Variants in KIF14 observed in about 807,000 individuals in gnomAD.
The protein encoded by KIF14 is kinesin-like protein KIF14.
A neutral mutation model predicts 176.2 loss-of-function variants in KIF14; 98 were observed. That is an observed-to-expected ratio of 0.56 (90% CI 0.47 to 0.66). The LOEUF (loss-of-function observed/expected upper bound fraction) is 0.66, where lower values mean the gene tolerates loss of function less well. Ranked by LOEUF, KIF14 falls within the 30% of genes least tolerant of loss-of-function variation. The pLI is 0.00. For synonymous variants in KIF14, 566 were observed against 632.2 expected (o/e 0.90, Z 1.57); for missense variants, 1,751 against 1,920.4 (o/e 0.91, Z 1.65).
At chr1:200,610,770 G>A (rs1660118644) in intron 4 of KIF14, among the ~76,000 whole-genome samples, 1 of 152,122 alleles carries the variant, frequency 6.6e-6, no homozygotes, top group Non-Finnish European at 1.5e-5. Flanking sequence ...GAATCAAAAT[G>A]AGATGACTAT....
Position 200,603,322 on chromosome 1 carries a change from T to G in KIF14, c.1883A>C (p.Lys628Thr). ...DRLKEGVSIN[K>T]SLLTLGKVIS... ...AACTTTTCCCAAAGTTAGCAAGGAC[T>G]TATTAATACTCACACCTTCCTGCAT... Residue 628 changes from lysine to threonine, a missense_variant, in exon 10 of 30, where the codon AAG becomes ACG. Lys to Thr is a moderately conservative substitution (Grantham distance 78, BLOSUM62 -1). Coordinates refer to ENST00000367350, the MANE Select transcript of KIF14 (RefSeq NM_014875.3). 6.3e-7 allele frequency: 1 copy of G among 1,599,006 alleles called. No homozygotes were observed. Among genetic ancestry groups the G allele is most frequent in the Non-Finnish European group, 8.6e-7 (1 of 1,168,454 alleles).
At chr1:200,585,908 T>C (rs1015442563) in intron 19 of KIF14, among the ~76,000 whole-genome samples, 193 bp downstream of exon 19, 19 of 152,182 alleles carry the variant, frequency 1.2e-4, no homozygotes, top group African/African-American at 3.9e-4. Context: ...AAAGCATTGA[T>C]ATAATAAATA....
chr1:200,580,447 T>C, intron 20 of KIF14, 64 bp from the exon 21 acceptor site: 1 of 1,083,060 alleles, frequency 9.2e-7, no homozygotes, highest in Non-Finnish European at 1.2e-6. Context: ...ATACTAAGAG[T>C]TTTCTGGGGT....
chr1:200,567,562 T>A (rs1307242271), intron 23 of KIF14, among the ~76,000 whole-genome samples: 1 of 148,228 alleles, frequency 6.7e-6, no homozygotes, highest in Non-Finnish European at 1.5e-5. Flanking sequence ...TAAAACCAAC[T>A]GATTATCTAC....
At chr1:200,563,116 C>T (rs1000641707) in intron 25 of KIF14, among the ~76,000 whole-genome samples, 3 of 152,182 alleles carry the variant, frequency 2.0e-5, no homozygotes, top group Non-Finnish European at 4.4e-5. Context: ...TAAAAACAAT[C>T]ATCTGATTTC....
At position 200,617,718 on chromosome 1, in the gene KIF14, G is replaced by C; in HGVS notation, c.1006C>G (p.Pro336Ala). The change falls in exon 2 of 30, where the codon CCC (proline) becomes GCC (alanine). Residue 336 changes from proline to alanine, a missense_variant. Transcript: ENST00000367350. ...TTCTGAACTACAGTTTCTTCTTCGG[G>C]AAGAATTGTATTTTCTGCGGATCTT... ...QERSAENTILPEEETVVQNTS... is the reference protein window; with the variant it reads ...QERSAENTILAEEETVVQNTS... 6.2e-7 allele frequency: 1 copy of C among 1,614,164 alleles called. No individual in the cohort carries two copies. Among genetic ancestry groups the C allele is most frequent in the Non-Finnish European group, 8.5e-7 (1 of 1,180,018 alleles).
At chr1:200,581,958 G>A (rs1324681934) in intron 19 of KIF14, among the ~76,000 whole-genome samples, 1 of 151,552 alleles carries the variant, frequency 6.6e-6, no homozygotes, top group Non-Finnish European at 1.5e-5. Flanking sequence ...TTTGTAGAGA[G>A]GAGGTTTTGC....
intron 2 of KIF14, among the ~76,000 whole-genome samples, chr1:200,616,433 T>C (rs763295089): frequency 2.0e-5 from 3 of 152,230 alleles, no homozygotes; most frequent in Non-Finnish European, 2.9e-5. Flanking sequence ...CTATTGTTTC[T>C]CTTCCTATCA....
At chr1:200,573,107 C>T (rs150518802) in intron 22 of KIF14, among the ~76,000 whole-genome samples, 48 of 152,292 alleles carry the variant, frequency 3.2e-4, no homozygotes, top group African/African-American at 1.1e-3. Flanking sequence ...CTCTAATCCT[C>T]GTAACAACTC....
At chr1:200,599,555 T>C (rs1222412847) in intron 13 of KIF14, among the ~76,000 whole-genome samples, 1 of 152,244 alleles carries the variant, frequency 6.6e-6, no homozygotes, top group Non-Finnish European at 1.5e-5. Flanking sequence ...ACCAATCACT[T>C]GAAATACTTT....
chr1:200,595,814 G>A lies in KIF14; in HGVS notation c.2550-2045C>T, dbSNP rs1659304547. On this transcript the variant is annotated intron_variant, in intron 14 of 29. Coordinates refer to ENST00000367350, the MANE Select transcript of KIF14 (RefSeq NM_014875.3). ...ATACAAAAAACTAGCTGGGCATGGT[G>A]GCTGCTACTCAGGAGGCTGAGGCAC... 2.6e-5 allele frequency among the ~76,000 whole-genome samples: 4 copies of A among 151,028 alleles called. No individual in the cohort carries two copies. The South Asian group carries it at 8.4e-4, about 32-fold the overall frequency.
At chr1:200,612,009 TTTC>T (rs1660179789) in intron 4 of KIF14, among the ~76,000 whole-genome samples, 1 of 151,870 alleles carries the variant, frequency 6.6e-6, no homozygotes, top group Non-Finnish European at 1.5e-5. Context: ...TCTTTTTTTT[TTTC>T]TTTTTTTTGA....
At chr1:200,587,585 C>G (rs186127788) in intron 18 of KIF14, among the ~76,000 whole-genome samples, 3 of 151,924 alleles carry the variant, frequency 2.0e-5, no homozygotes. Flanking sequence ...GAGGCCAAGG[C>G]GGGAGAATCA....
At chr1:200,579,330 G>A (rs1201483143) in intron 21 of KIF14, among the ~76,000 whole-genome samples, 1 of 151,942 alleles carries the variant, frequency 6.6e-6, no homozygotes, top group Non-Finnish European at 1.5e-5. Context: ...AATAAGCCCA[G>A]GCATGGTGGC....
intron 5 of KIF14, 140 bp from the exon 6 acceptor site, chr1:200,606,938 C>T: frequency 2.7e-6 from 2 of 740,446 alleles, no homozygotes; most frequent in Non-Finnish European, 4.5e-6. Flanking sequence ...ACCACAAAAA[C>T]TCTCACAAAA....
Position 200,603,325 on chromosome 1 carries a change from T to C in KIF14, c.1880A>G (p.Asn627Ser), listed in dbSNP as rs779753425. ...GDRLKEGVSI[N>S]KSLLTLGKVI... ...TTTTCCCAAAGTTAGCAAGGACTTA[T>C]TAATACTCACACCTTCCTGCATGCA... is the stretch of plus-strand genomic sequence containing the variant. The change falls in exon 10 of 30, where the codon AAT becomes AGT. Residue 627 changes from asparagine (N) to serine (S), a missense_variant. Asn to Ser is a conservative substitution (Grantham distance 46). Transcript: ENST00000367350. The C allele has an allele frequency of 1.9e-6, 3 of 1,598,352 alleles. No individual in the cohort carries two copies. The highest frequency in any genetic ancestry group is 1.1e-5 in the South Asian group (1 of 89,770).
chr1:200,613,170 G>A (rs765460499), intron 4 of KIF14, among the ~76,000 whole-genome samples: 20 of 152,122 alleles, frequency 1.3e-4, no homozygotes, highest in Admixed American at 2.0e-4. Flanking sequence ...TTACAGGCAT[G>A]AGCCACCGCA....
At chr1:200,569,089 C>T (rs564166292) in intron 23 of KIF14, among the ~76,000 whole-genome samples, 112 of 152,084 alleles carry the variant, frequency 7.4e-4, no homozygotes, top group Admixed American at 3.7e-3. Context: ...CCACACCCAG[C>T]TAATTTTGTA....
In KIF14 at chr1:200,553,341, T is replaced by C; in HGVS notation, c.*47A>G. The C allele has an allele frequency of 6.6e-7, 1 of 1,516,470 alleles. No homozygotes were observed. 93.9% of individuals were successfully genotyped at this position (1,516,470 alleles called of 1,614,324 possible). On this transcript the variant is annotated 3_prime_UTR_variant, in exon 30 of 30. Coordinates refer to ENST00000367350, the MANE Select transcript of KIF14 (RefSeq NM_014875.3). ...CATAAAGAAAATTACCGAGCAAGTGTTCTTTTTCTTTCATGGGTGGTCATA... is the reference window on the plus strand; with the variant it reads ...CATAAAGAAAATTACCGAGCAAGTGCTCTTTTTCTTTCATGGGTGGTCATA...
Sources: gnomAD v4.1 joint callset for allele counts (sites outside exome capture counted in the v4.1 genomes callset) on GRCh38, gnomAD v4.1.1 for gene constraint, MANE v1.5 for transcripts, NCBI Gene and HGNC (gene_info 2026-07-23, HGNC 2026-07-21) for gene names.